SDK1: variants seen among roughly 807,000 people sequenced by gnomAD.
The protein encoded by SDK1 is protein sidekick-1.
A neutral mutation model predicts 245.5 loss-of-function variants in SDK1; 157 were observed. That is an observed-to-expected ratio of 0.64 (90% CI 0.56 to 0.73). The LOEUF is 0.73. Ranked by LOEUF, SDK1 falls within the 30% of genes least tolerant of loss-of-function variation. SDK1 has a pLI of 0.00. For missense variants in SDK1, 3,583 were observed against 3,002.3 expected, an observed-to-expected ratio of 1.19 and a Z score of -4.52; for synonymous variants, 1,647 against 1,278.5, an observed-to-expected ratio of 1.29 and a Z score of -6.15.
intron 32 of SDK1, among the ~76,000 whole-genome samples, chr7:4,165,204 C>T (rs899435120): frequency 3.3e-5 from 5 of 152,028 alleles, no homozygotes; most frequent in African/African-American, 1.2e-4. Flanking sequence ...ACTAAAAATA[C>T]AAAAATTAGC....
intron 4 of SDK1, among the ~76,000 whole-genome samples, chr7:3,648,839 G>A (rs533463432): frequency 4.6e-5 from 7 of 152,148 alleles, no homozygotes; most frequent in East Asian, 1.9e-4. Flanking sequence ...TGCTTTCACC[G>A]TAATTCTGAC....
intron 4 of SDK1, among the ~76,000 whole-genome samples, chr7:3,700,204 G>C (rs531280914): frequency 6.6e-6 from 1 of 152,136 alleles, no homozygotes; most frequent in African/African-American, 2.4e-5. Flanking sequence ...AACAGGTAAA[G>C]GAAGCACTCC....
intron 1 of SDK1, among the ~76,000 whole-genome samples, chr7:3,330,276 G>C (rs1780036054): frequency 6.6e-6 from 1 of 152,160 alleles, no homozygotes. Context: ...TTCCTAAGTG[G>C]CTGCATTAGT....
At chr7:3,720,827 C>G (rs1785345699) in intron 4 of SDK1, among the ~76,000 whole-genome samples, 1 of 152,164 alleles carries the variant, frequency 6.6e-6, no homozygotes, top group Non-Finnish European at 1.5e-5. Context: ...TGTAATAGCC[C>G]AAACCTAGGA....
intron 1 of SDK1, among the ~76,000 whole-genome samples, chr7:3,302,829 T>G (rs2128540315): frequency 6.6e-6 from 1 of 152,330 alleles, no homozygotes; most frequent in African/African-American, 2.4e-5. Flanking sequence ...AAGATACAGC[T>G]AACGAACAAT....
chr7:3,490,992 A>G lies in SDK1; in HGVS notation c.299-128088A>G, dbSNP rs76594953. On this transcript the variant is annotated intron_variant, in intron 1 of 44. Transcript: ENST00000404826. ...CAATGGTGATACAGCTACCGTCAAC[A>G]GACTGATCACCTTGCCTGTGCCATG... Among the ~76,000 whole-genome samples the G allele has an allele frequency of 5.6e-3, 856 of 152,334 alleles. 8 individuals are homozygous for G. The highest frequency in any genetic ancestry group is 0.018 in the African/African-American group (753 of 41,554).
intron 25 of SDK1, among the ~76,000 whole-genome samples, chr7:4,114,711 T>G (rs1783588590): frequency 2.0e-5 from 3 of 152,190 alleles, no homozygotes; most frequent in Admixed American, 2.0e-4. Context: ...AATAGGAGTT[T>G]ACTTCTCACT....
At chr7:3,413,728 G>GT (rs1779279544) in intron 1 of SDK1, among the ~76,000 whole-genome samples, 1 of 151,908 alleles carries the variant, frequency 6.6e-6, no homozygotes, top group Admixed American at 6.6e-5. Context: ...TGTGCATGGT[G>GT]GCTCACACCT....
At chr7:4,142,202 A>G (rs955465004) in intron 28 of SDK1, among the ~76,000 whole-genome samples, 1 of 152,042 alleles carries the variant, frequency 6.6e-6, no homozygotes, top group African/African-American at 2.4e-5. Flanking sequence ...TGCAAACTTG[A>G]TTTTTGCTGC....
intron 15 of SDK1, among the ~76,000 whole-genome samples, chr7:4,011,397 G>A (rs1281157886): frequency 1.3e-5 from 2 of 152,202 alleles, no homozygotes; most frequent in African/African-American, 4.8e-5. Flanking sequence ...AGCCCTCTGT[G>A]TACAGGAAAT....
intron 26 of SDK1, among the ~76,000 whole-genome samples, chr7:4,128,327 G>A (rs375925009): frequency 5.3e-5 from 8 of 152,276 alleles, no homozygotes; most frequent in Non-Finnish European, 7.4e-5. Flanking sequence ...TTCTAAGTGC[G>A]CCCTGCTGGC....
chr7:3,402,791 A>C (rs550867195), intron 1 of SDK1, among the ~76,000 whole-genome samples: 1 of 152,344 alleles, frequency 6.6e-6, no homozygotes, highest in African/African-American at 2.4e-5. Flanking sequence ...TATAAACTTT[A>C]TTCTACACTC....
intron 4 of SDK1, among the ~76,000 whole-genome samples, chr7:3,775,020 C>T (rs10281383): frequency 7.2e-5 from 11 of 152,178 alleles, no homozygotes; most frequent in African/African-American, 2.7e-4. Context: ...CTGGACAGTG[C>T]TCGGCGCTGA....
At chr7:3,590,842 G>T (rs982726328) in intron 1 of SDK1, among the ~76,000 whole-genome samples, 19 of 149,086 alleles carry the variant, frequency 1.3e-4, no homozygotes, top group Non-Finnish European at 2.5e-4. Flanking sequence ...GAGTGCAGTG[G>T]CATGATCGTA....
intron 1 of SDK1, among the ~76,000 whole-genome samples, chr7:3,499,434 T>C (rs1009940463): frequency 6.6e-6 from 1 of 152,206 alleles, no homozygotes; most frequent in Non-Finnish European, 1.5e-5. Flanking sequence ...GTGTAAAGAA[T>C]AGCAAAGTTG....
chr7:3,864,618 G>A (rs1225627266), intron 5 of SDK1, among the ~76,000 whole-genome samples: 3 of 152,164 alleles, frequency 2.0e-5, no homozygotes, highest in African/African-American at 7.2e-5. Flanking sequence ...CCAAGGACGT[G>A]AGGGGCACAG....
intron 4 of SDK1, among the ~76,000 whole-genome samples, chr7:3,800,470 C>T (rs1053423918): frequency 6.6e-6 from 1 of 152,044 alleles, no homozygotes; most frequent in South Asian, 2.1e-4. Context: ...CAACTTCTGC[C>T]TCCTGGGTTT....
At chr7:3,795,462 C>G (rs1302438675) in intron 4 of SDK1, among the ~76,000 whole-genome samples, 1 of 152,056 alleles carries the variant, frequency 6.6e-6, no homozygotes, top group Non-Finnish European at 1.5e-5. Context: ...ATAAAGTGCG[C>G]TGAACTCCTT....
chr7:3,824,504 T>C (rs572973248), intron 5 of SDK1, among the ~76,000 whole-genome samples: 1 of 152,310 alleles, frequency 6.6e-6, no homozygotes, highest in South Asian at 2.1e-4. Flanking sequence ...CGGAGTGTCA[T>C]GCAGCCCCGC....
Sources: gnomAD v4.1 joint callset for allele counts (sites outside exome capture counted in the v4.1 genomes callset) on GRCh38, gnomAD v4.1.1 for gene constraint, MANE v1.5 for transcripts, NCBI Gene and HGNC (gene_info 2026-07-23, HGNC 2026-07-21) for gene names.